The following SHANK2 variants were observed in gnomAD, a reference collection of about 807,000 sequenced individuals.
SHANK2 encodes SH3 and multiple ankyrin repeat domains protein 2.
Under a neutral mutation model 133.7 loss-of-function variants are expected in SHANK2, and 43 were observed. That is an observed-to-expected ratio of 0.32 (90% confidence interval 0.25 to 0.41). The LOEUF (loss-of-function observed/expected upper bound fraction) is 0.41. SHANK2 is among the 10% of genes least tolerant of loss of function. The probability of loss-of-function intolerance (pLI) is 1.00; values close to 1 mark genes in which losing one functional copy is unlikely to be tolerated. For synonymous variants in SHANK2, 1,017 were observed against 952.8 expected (o/e 1.07, Z -1.24); for missense variants, 1,994 against 2,235.8 (o/e 0.89, Z 2.18).
At chr11:70,669,656 A>T (rs548927116) in intron 15 of SHANK2, 1 of 152,738 alleles carries the variant, frequency 6.5e-6, no homozygotes, top group East Asian at 1.9e-4. Flanking sequence ...GAAAAATAAA[A>T]TTCACTGGCT....
chr11:70,849,373 C>G (rs1949049880), intron 11 of SHANK2, among the ~76,000 whole-genome samples: 1 of 152,224 alleles, frequency 6.6e-6, no homozygotes, highest in Non-Finnish European at 1.5e-5. Context: ...TCTATTCTCC[C>G]TAGATCACAT....
In SHANK2 at chr11:70,510,404, T is replaced by G. The variant is rs147835372; in HGVS notation, c.2062-7473A>C. Among the ~76,000 whole-genome samples the G allele has an allele frequency of 3.4e-3, 523 of 152,322 alleles. 5 individuals are homozygous for G. Among genetic ancestry groups the G allele is most frequent in the Middle Eastern group, 0.034 (10 of 294 alleles). On this transcript the variant is annotated intron_variant, in intron 17 of 25. Transcript: ENST00000601538. ...GGAGGCCACAGCCCTCCCGCGCTCATGCTTGTAGCAGAGCTTTTGCCCTTC... is the reference window on the plus strand; with the variant it reads ...GGAGGCCACAGCCCTCCCGCGCTCAGGCTTGTAGCAGAGCTTTTGCCCTTC...
intron 10 of SHANK2, among the ~76,000 whole-genome samples, chr11:70,915,815 A>G (rs1555079773): frequency 6.6e-6 from 1 of 152,204 alleles, no homozygotes; most frequent in Non-Finnish European, 1.5e-5. Context: ...TCAGTCATAA[A>G]ATCAAGGCCA....
chr11:71,227,244 T>G (rs1346675503), intron 1 of SHANK2, among the ~76,000 whole-genome samples: 1 of 152,048 alleles, frequency 6.6e-6, no homozygotes, highest in African/African-American at 2.4e-5. Context: ...TTGCATTAAA[T>G]GTAAATGGTC....
intron 13 of SHANK2, among the ~76,000 whole-genome samples, chr11:70,801,385 G>T (rs573635228): frequency 6.6e-6 from 1 of 152,230 alleles, no homozygotes; most frequent in African/African-American, 2.4e-5. Context: ...GGGTGCAGGG[G>T]AATGGAGGAG....
intron 15 of SHANK2, among the ~76,000 whole-genome samples, chr11:70,664,399 G>A (rs1944640838): frequency 6.6e-6 from 1 of 152,210 alleles, no homozygotes. Context: ...GGCTGCCAAA[G>A]CCAAGAGCCT....
At chr11:71,198,716 G>A (rs528636922) in intron 2 of SHANK2, among the ~76,000 whole-genome samples, 3 of 152,334 alleles carry the variant, frequency 2.0e-5, no homozygotes, top group African/African-American at 7.2e-5. Flanking sequence ...TCCAGCAGAT[G>A]TACTGGAGGT....
chr11:70,937,202 A>G (rs1360977647), intron 10 of SHANK2, among the ~76,000 whole-genome samples: 1 of 152,214 alleles, frequency 6.6e-6, no homozygotes, highest in East Asian at 1.9e-4. Flanking sequence ...TTTAAGAGTC[A>G]CCAAACACTA....
chr11:70,619,095 C>T (rs541176656), intron 17 of SHANK2, among the ~76,000 whole-genome samples: 30 of 152,342 alleles, frequency 2.0e-4, no homozygotes, highest in Non-Finnish European at 4.0e-4. Flanking sequence ...GAGGCGGACC[C>T]CAGCCCAGCC....
chr11:70,892,240 G>T (rs1457199084), intron 11 of SHANK2, among the ~76,000 whole-genome samples: 3 of 152,218 alleles, frequency 2.0e-5, no homozygotes, highest in African/African-American at 7.2e-5. Context: ...GCCCTACCCT[G>T]CCTTCTAAGC....
At chr11:70,714,846 C>A (rs1945873815) in intron 14 of SHANK2, among the ~76,000 whole-genome samples, 1 of 152,090 alleles carries the variant, frequency 6.6e-6, no homozygotes, top group African/African-American at 2.4e-5. Context: ...TGTTCTATTG[C>A]CCAGGCTGGA....
chr11:70,766,864 G>A (rs575195694), intron 14 of SHANK2, among the ~76,000 whole-genome samples: 193 of 152,342 alleles, frequency 1.3e-3, no homozygotes, highest in African/African-American at 3.4e-3. Context: ...CATACAAAAT[G>A]ACAAGCAATT....
At chr11:70,910,298 C>T (rs1167308924) in intron 10 of SHANK2, among the ~76,000 whole-genome samples, 4 of 152,158 alleles carry the variant, frequency 2.6e-5, no homozygotes, top group African/African-American at 4.8e-5. Flanking sequence ...CTCAGGGACA[C>T]CTAGGGTCCC....
chr11:71,072,346 C>T (rs1258056301), intron 9 of SHANK2, among the ~76,000 whole-genome samples: 3 of 152,220 alleles, frequency 2.0e-5, no homozygotes, highest in Admixed American at 6.5e-5. Flanking sequence ...GGCCACGGTG[C>T]ACACACTGGG....
At chr11:71,169,754 CAAAAAAAA>C (rs35339054) in intron 2 of SHANK2, among the ~76,000 whole-genome samples, 1 of 90,318 alleles carries the variant, frequency 1.1e-5, no homozygotes, top group Non-Finnish European at 2.2e-5. Context: ...GACTCCATCT[CAAAAAAAA>C]AAAAAAAAAA....
At chr11:70,953,258 T>G (rs550022012) in intron 10 of SHANK2, among the ~76,000 whole-genome samples, 2 of 152,040 alleles carry the variant, frequency 1.3e-5, no homozygotes, top group South Asian at 4.2e-4. Flanking sequence ...GAAGTGAGTG[T>G]ATTAAATCAG....
chr11:70,507,708 C>G (rs2059153160), intron 17 of SHANK2, among the ~76,000 whole-genome samples: 1 of 152,212 alleles, frequency 6.6e-6, no homozygotes, highest in Non-Finnish European at 1.5e-5. Flanking sequence ...GACCCCAACT[C>G]AAACTTGGGC....
At chr11:70,869,075 C>A (rs1413070601) in intron 11 of SHANK2, among the ~76,000 whole-genome samples, 3 of 152,246 alleles carry the variant, frequency 2.0e-5, no homozygotes, top group East Asian at 3.9e-4. Flanking sequence ...GGCGTCCTTA[C>A]AAGAAGAGAT....
chr11:71,088,520 G>A (rs1304393278), intron 8 of SHANK2, among the ~76,000 whole-genome samples: 1 of 150,410 alleles, frequency 6.6e-6, no homozygotes, highest in Non-Finnish European at 1.5e-5. Context: ...CGTCCCCAAC[G>A]TCCATGTCTC....
Sources: gnomAD v4.1 joint callset for allele counts (sites outside exome capture counted in the v4.1 genomes callset) on GRCh38, gnomAD v4.1.1 for gene constraint, MANE v1.5 for transcripts, NCBI Gene and HGNC (gene_info 2026-07-23, HGNC 2026-07-21) for gene names.